The following FBN2 variants were observed in gnomAD, a reference collection of about 807,000 sequenced individuals.
The protein encoded by FBN2 is fibrillin-2.
FBN2 carries 105 observed loss-of-function variants against 355.6 expected under a neutral mutation model. The ratio of observed to expected loss-of-function variants is 0.30; its 90% CI spans 0.25 to 0.35. FBN2 has a LOEUF of 0.35. Ranked by LOEUF, FBN2 falls within the 10% of genes least tolerant of loss-of-function variation. The probability of loss-of-function intolerance (pLI) is 1.00; values close to 1 mark genes in which losing one functional copy is unlikely to be tolerated. For missense variants in FBN2, 3,280 were observed against 3,758.7 expected (o/e 0.87, Z 3.33); for synonymous variants, 1,350 against 1,301.2 (o/e 1.04, Z -0.81).
chr5:128,400,498 G>A (rs1752769569), intron 8 of FBN2, among the ~76,000 whole-genome samples: 1 of 152,102 alleles, frequency 6.6e-6, no homozygotes, highest in Non-Finnish European at 1.5e-5. Context: ...AAGAAAATTT[G>A]AATAGTACAG....
At chr5:128,537,022 G>A (rs576624797) in intron 1 of FBN2, among the ~76,000 whole-genome samples, 185 of 152,184 alleles carry the variant, frequency 1.2e-3, no homozygotes, top group Non-Finnish European at 2.2e-3. Context: ...CCCTGCAGCA[G>A]GCGGACCCAG....
intron 46 of FBN2, among the ~76,000 whole-genome samples, chr5:128,302,751 G>A (rs1749752994): frequency 6.6e-6 from 1 of 152,078 alleles, no homozygotes; most frequent in African/African-American, 2.4e-5. Context: ...GAAATGATTG[G>A]CTGATTGACA....
chr5:128,495,491 C>T (rs1755633132), intron 5 of FBN2, among the ~76,000 whole-genome samples: 2 of 151,952 alleles, frequency 1.3e-5, no homozygotes, highest in South Asian at 2.1e-4. Flanking sequence ...GCAAAGATAT[C>T]CAAATGTAGA....
At chr5:128,361,634 T>C in intron 19 of FBN2, 89 bp downstream of exon 19, 1 of 1,454,336 alleles carries the variant, frequency 6.9e-7, no homozygotes, top group Admixed American at 1.7e-5. Flanking sequence ...CAATATTCTT[T>C]TCACTACATT....
At chr5:128,456,685 G>T (rs1754404668) in intron 6 of FBN2, among the ~76,000 whole-genome samples, 1 of 152,034 alleles carries the variant, frequency 6.6e-6, no homozygotes, top group East Asian at 1.9e-4. Context: ...CCAGCAAACT[G>T]CAGCAGCCCT....
chr5:128,321,739 G>A (rs1394401178), intron 34 of FBN2, among the ~76,000 whole-genome samples: 1 of 152,152 alleles, frequency 6.6e-6, no homozygotes, highest in South Asian at 2.1e-4. Flanking sequence ...TATGAACAGT[G>A]CTGCAATAAA....
At chr5:128,402,069 T>C (rs1201595113) in intron 8 of FBN2, among the ~76,000 whole-genome samples, 1 of 152,170 alleles carries the variant, frequency 6.6e-6, no homozygotes, top group Non-Finnish European at 1.5e-5. Flanking sequence ...AAAAGGCATA[T>C]TTCAAAGCAA....
At chr5:128,354,824 A>G (rs192400328) in intron 20 of FBN2, among the ~76,000 whole-genome samples, 2 of 152,322 alleles carry the variant, frequency 1.3e-5, no homozygotes, top group African/African-American at 4.8e-5. Flanking sequence ...ATTTGGTTTT[A>G]GACATGGGAA....
chr5:128,417,665 A>G lies in FBN2; in HGVS notation c.953-8866T>C, dbSNP rs371414202. On this transcript the variant is annotated intron_variant, in intron 7 of 64. Transcript: ENST00000262464. The stretch of plus-strand genomic sequence containing the variant: ...ATGTATAATGCTTCTGGATTTGCAT[A>G]TGTTGAACTATCCTTGTATCTCTGG... Among the ~76,000 whole-genome samples the G allele has an allele frequency of 2.6e-5, 4 of 152,166 alleles. No individual in the cohort carries two copies. In the South Asian group the frequency reaches 8.3e-4, roughly 31 times the overall value.
At chr5:128,291,394 C>T (rs1008180826) in intron 49 of FBN2, 135 bp downstream of exon 49, 2 of 972,490 alleles carry the variant, frequency 2.1e-6, no homozygotes, top group Non-Finnish European at 3.2e-6. Context: ...TGTTTGAGAC[C>T]TAAATTTTTA....
At chr5:128,353,726 C>G (rs186886394) in intron 20 of FBN2, among the ~76,000 whole-genome samples, 1 of 152,244 alleles carries the variant, frequency 6.6e-6, no homozygotes, top group East Asian at 1.9e-4. Flanking sequence ...TTAAAACAAC[C>G]CTGTGAATTA....
chr5:128,430,440 T>C (rs565083655), intron 7 of FBN2, among the ~76,000 whole-genome samples: 9 of 152,210 alleles, frequency 5.9e-5, no homozygotes, highest in Non-Finnish European at 1.3e-4. Context: ...TAGCATTATG[T>C]TTAAAGCACT....
chr5:128,517,352 T>G (rs2112785021), intron 5 of FBN2, among the ~76,000 whole-genome samples: 1 of 152,334 alleles, frequency 6.6e-6, no homozygotes, highest in East Asian at 1.9e-4. Context: ...TTTGAAATTT[T>G]AAATTTATTC....
At chr5:128,341,081 C>T (rs1415198484) in intron 25 of FBN2, among the ~76,000 whole-genome samples, 2 of 152,154 alleles carry the variant, frequency 1.3e-5, no homozygotes, top group Non-Finnish European at 2.9e-5. Context: ...TAAAAGCCCC[C>T]AGCATGGGAG....
At chr5:128,347,700 G>C (rs1751221501) in intron 23 of FBN2, among the ~76,000 whole-genome samples, 1 of 151,984 alleles carries the variant, frequency 6.6e-6, no homozygotes, top group African/African-American at 2.4e-5. Context: ...AATTAATATA[G>C]CATAATTCAA....
At chr5:128,291,402 T>C in intron 49 of FBN2, 127 bp downstream of exon 49, 1 of 1,068,884 alleles carries the variant, frequency 9.4e-7, no homozygotes, top group Non-Finnish European at 1.4e-6. Flanking sequence ...ACCTAAATTT[T>C]TAACTTGCAG....
chr5:128,304,816 T>A, intron 45 of FBN2, 141 bp downstream of exon 45: 1 of 1,068,854 alleles, frequency 9.4e-7, no homozygotes, highest in Non-Finnish European at 1.4e-6. Context: ...GAATCAAGAC[T>A]TAAATAGTTT....
chr5:128,362,960 T>G (rs1751676325), intron 18 of FBN2, among the ~76,000 whole-genome samples: 1 of 152,152 alleles, frequency 6.6e-6, no homozygotes, highest in Admixed American at 6.5e-5. Context: ...ACATCTGCAA[T>G]TCCATCATCA....
At chr5:128,264,917 G>A (rs942101745) in intron 62 of FBN2, among the ~76,000 whole-genome samples, 4 of 152,158 alleles carry the variant, frequency 2.6e-5, no homozygotes, top group Admixed American at 6.5e-5. Context: ...CAGGACAGAA[G>A]TTACTGAAAG....
Sources: gnomAD v4.1 joint callset for allele counts (sites outside exome capture counted in the v4.1 genomes callset) on GRCh38, gnomAD v4.1.1 for gene constraint, MANE v1.5 for transcripts, NCBI Gene and HGNC (gene_info 2026-07-23, HGNC 2026-07-21) for gene names.